Variants in NCKAP5 observed in about 807,000 individuals in gnomAD.
The protein encoded by NCKAP5 is NCK associated protein 5.
A neutral mutation model predicts 167.0 loss-of-function variants in NCKAP5; 92 were observed. The ratio of observed to expected loss-of-function variants is 0.55; its 90% CI spans 0.47 to 0.66. The LOEUF (loss-of-function observed/expected upper bound fraction) is 0.66, where lower values mean the gene tolerates loss of function less well. Ranked by LOEUF, NCKAP5 falls within the 30% of genes least tolerant of loss-of-function variation. The pLI is 0.00. For missense variants in NCKAP5, 2,378 were observed against 2,315.0 expected (o/e 1.03, Z -0.56); for synonymous variants, 891 against 877.4 (o/e 1.02, Z -0.27).
At chr2:132,818,118 T>C (rs775635314) in intron 11 of NCKAP5, among the ~76,000 whole-genome samples, 8 of 152,118 alleles carry the variant, frequency 5.3e-5, no homozygotes, top group Non-Finnish European at 1.0e-4. Context: ...TGGCTAATTT[T>C]TGTGTTTTTT....
chr2:133,030,318 G>A (rs985834575), intron 6 of NCKAP5, among the ~76,000 whole-genome samples: 8 of 152,156 alleles, frequency 5.3e-5, no homozygotes, highest in Admixed American at 5.2e-4. Context: ...GCCTGCAAGG[G>A]CTGGGCAAGG....
At chr2:133,021,270 C>T (rs559604807) in intron 6 of NCKAP5, among the ~76,000 whole-genome samples, 134 of 152,204 alleles carry the variant, frequency 8.8e-4, no homozygotes, top group African/African-American at 3.2e-3. Context: ...AGCTGGGTCC[C>T]CCAGGAAGGA....
chr2:132,931,551 C>A (rs1696379438), intron 8 of NCKAP5: 1 of 152,154 alleles, frequency 6.6e-6, no homozygotes, highest in Non-Finnish European at 1.5e-5. Context: ...AGGCTAACTT[C>A]CTTACTTGTA....
intron 5 of NCKAP5, among the ~76,000 whole-genome samples, chr2:133,140,854 T>C (rs539891844): frequency 4.6e-5 from 7 of 151,128 alleles, no homozygotes; most frequent in African/African-American, 1.5e-4. Context: ...ATATTCAGTT[T>C]AATGTATATT....
intron 5 of NCKAP5, among the ~76,000 whole-genome samples, chr2:133,163,348 C>T (rs989373752): frequency 6.6e-6 from 1 of 152,176 alleles, no homozygotes. Context: ...TTATCGCAGG[C>T]TCAAATCTCT....
chr2:133,228,315 G>A (rs2086987795), intron 4 of NCKAP5, among the ~76,000 whole-genome samples: 1 of 151,982 alleles, frequency 6.6e-6, no homozygotes, highest in African/African-American at 2.4e-5. Flanking sequence ...TGGACCTGTA[G>A]CAAAAAAATA....
chr2:133,508,421 G>A (rs1683209058), intron 3 of NCKAP5, among the ~76,000 whole-genome samples: 2 of 152,124 alleles, frequency 1.3e-5, no homozygotes, highest in Non-Finnish European at 2.9e-5. Flanking sequence ...ATACCTCCTG[G>A]TATTCTGAAT....
intron 6 of NCKAP5, among the ~76,000 whole-genome samples, chr2:133,087,149 TC>T (rs962211644): frequency 6.6e-6 from 1 of 152,162 alleles, no homozygotes; most frequent in African/African-American, 2.4e-5. Flanking sequence ...GATACCAAGT[TC>T]CATTTGGTTT....
intron 5 of NCKAP5, among the ~76,000 whole-genome samples, chr2:133,206,148 A>G (rs778418007): frequency 1.3e-5 from 2 of 152,222 alleles, no homozygotes; most frequent in Non-Finnish European, 2.9e-5. Context: ...CTCACATTTC[A>G]TCATTAAGTA....
At chr2:133,587,161 A>G in the NCKAP5 span, among the ~76,000 whole-genome samples, 1 of 152,022 alleles carries the variant, frequency 6.6e-6, no homozygotes, top group African/African-American at 2.4e-5. Flanking sequence ...CAGTCATCAC[A>G]TTTTTCAGAA....
intron 4 of NCKAP5, among the ~76,000 whole-genome samples, chr2:133,250,229 A>G (rs2150333620): frequency 6.6e-6 from 1 of 152,158 alleles, no homozygotes; most frequent in Admixed American, 6.5e-5. Context: ...TATGTGATCA[A>G]CCTTTATCAG....
chr2:133,026,227 GTAGACTCTGGATAT>G (rs1329507428), intron 6 of NCKAP5, among the ~76,000 whole-genome samples: 1 of 151,760 alleles, frequency 6.6e-6, no homozygotes, highest in Non-Finnish European at 1.5e-5. Flanking sequence ...TAGGTTCCTT[GTAGACTCTGGATAT>G]TAGACTTTTG....
intron 3 of NCKAP5, among the ~76,000 whole-genome samples, chr2:133,345,033 T>C (rs1303279351): frequency 2.0e-5 from 3 of 152,124 alleles, no homozygotes; most frequent in African/African-American, 7.2e-5. Context: ...TAGAGAATAA[T>C]GACAGAGATT....
At chr2:133,239,880 T>G (rs1278718344) in intron 4 of NCKAP5, among the ~76,000 whole-genome samples, 1 of 152,236 alleles carries the variant, frequency 6.6e-6, no homozygotes, top group Non-Finnish European at 1.5e-5. Context: ...TTCTCTCAGT[T>G]TGGTTTCCAT....
rs375524625 is a variant in NCKAP5, at chr2:133,191,824, T to A, written c.207+21892A>T. ...TAGGAGATATACCTAATGTAAATGATGAGTTCATGGGTGCAGCACACCAAC... is the reference window on the plus strand; with the variant it reads ...TAGGAGATATACCTAATGTAAATGAAGAGTTCATGGGTGCAGCACACCAAC... On this transcript the variant is annotated intron_variant, in intron 5 of 19. Transcript: ENST00000409261. Among the ~76,000 whole-genome samples the A allele has an allele frequency of 1.8e-4, 28 of 152,060 alleles. 1 individual carries two copies. The East Asian group carries it at 3.1e-3, about 17-fold the overall frequency.
At chr2:133,567,347 A>G (rs1688624918) in intron 1 of NCKAP5, among the ~76,000 whole-genome samples, 1 of 152,172 alleles carries the variant, frequency 6.6e-6, no homozygotes, top group African/African-American at 2.4e-5. Flanking sequence ...TGCAGGTGGG[A>G]TAAGAGGTTC....
At chr2:133,596,406 G>C in the NCKAP5 span, 1 of 152,306 alleles carries the variant, frequency 6.6e-6, no homozygotes, top group Non-Finnish European at 1.5e-5. Flanking sequence ...TCTGGGAGCA[G>C]TGATAAGGAT....
At chr2:133,348,140 C>G (rs935771424) in intron 3 of NCKAP5, among the ~76,000 whole-genome samples, 3 of 152,160 alleles carry the variant, frequency 2.0e-5, no homozygotes, top group Admixed American at 6.5e-5. Context: ...CCGCAATATG[C>G]TTACACCACT....
intron 16 of NCKAP5, among the ~76,000 whole-genome samples, chr2:132,755,699 C>T (rs770193114): frequency 1.7e-4 from 26 of 151,554 alleles, no homozygotes; most frequent in Non-Finnish European, 2.7e-4. Flanking sequence ...CATGGTGGCG[C>T]GCGCCTGTAA....
Sources: allele counts gnomAD v4.1 joint callset (sites outside exome capture counted in the v4.1 genomes callset), GRCh38; gene constraint gnomAD v4.1.1; transcripts MANE v1.5; gene names NCBI Gene and HGNC (gene_info 2026-07-23, HGNC 2026-07-21).